The following MAP1B variants were observed in gnomAD, a reference collection of about 807,000 sequenced individuals.
MAP1B encodes microtubule associated protein 1B.
Under a neutral mutation model 176.1 loss-of-function variants are expected in MAP1B, and 12 were observed. The ratio of observed to expected loss-of-function variants is 0.07; its 90% CI spans 0.04 to 0.11. The LOEUF is 0.11. MAP1B is among the 10% of genes least tolerant of loss of function. The probability of loss-of-function intolerance (pLI) is 1.00; values close to 1 mark genes in which losing one functional copy is unlikely to be tolerated. For synonymous variants in MAP1B, 1,044 were observed against 1,135.0 expected (o/e 0.92, Z 1.61); for missense variants, 2,523 against 2,990.5 (o/e 0.84, Z 3.65).
intron 2 of MAP1B, among the ~76,000 whole-genome samples, chr5:72,134,431 C>A (rs747060963): frequency 6.6e-6 from 1 of 152,134 alleles, no homozygotes; most frequent in Non-Finnish European, 1.5e-5. Flanking sequence ...ACATTTGTCT[C>A]CAGCTTCTAG....
At chr5:72,116,372 G>C (rs1340599016) in intron 2 of MAP1B, 3 of 369,422 alleles carry the variant, frequency 8.1e-6, no homozygotes, top group South Asian at 2.1e-5. Context: ...CTTCGTGTGG[G>C]TAAAAGAATC....
Position 72,195,763 on chromosome 5 carries a change from C to T in MAP1B, c.2408C>T (p.Ala803Val), listed in dbSNP as rs1390336961. ...EAVAAAVGTG[A>V]TTAAVMAAAG... The stretch of plus-strand genomic sequence containing the variant: ...GTCGCTGCAGCTGTCGGCACTGGAG[C>T]CACCACAGCAGCTGTCATGGCGGCA... The change falls in exon 5 of 7, where the codon GCC becomes GTC. Residue 803 changes from alanine to valine, a missense_variant. Ala to Val is a moderately conservative substitution (Grantham distance 64). Around this residue, in one of 4 missense-constraint regions of MAP1B, gnomAD observed 1,925 missense variants for 2,126.0 expected, o/e 0.91. Coordinates refer to ENST00000296755, the MANE Select transcript of MAP1B (RefSeq NM_005909.5). 2.5e-6 allele frequency: 4 copies of T among 1,614,142 alleles called. No individual in the cohort carries two copies. The highest frequency in any genetic ancestry group is 4.5e-5 in the East Asian group (2 of 44,902).
intron 4 of MAP1B, among the ~76,000 whole-genome samples, chr5:72,188,756 G>A (rs779422745): frequency 4.6e-5 from 7 of 152,114 alleles, no homozygotes; most frequent in Admixed American, 2.0e-4. Flanking sequence ...TGAAGAACTC[G>A]AGTTCCGTGG....
chr5:72,158,555 G>C (rs1355577419), intron 2 of MAP1B, among the ~76,000 whole-genome samples: 1 of 152,196 alleles, frequency 6.6e-6, no homozygotes, highest in Non-Finnish European at 1.5e-5. Context: ...AATGGTGTTT[G>C]AATTATGTGA....
Position 72,190,474 on chromosome 5 carries a change from G to A in MAP1B, c.511-3392G>A, listed in dbSNP as rs145227302. On this transcript the variant is annotated intron_variant, in intron 4 of 6. Coordinates refer to ENST00000296755, the MANE Select transcript of MAP1B (RefSeq NM_005909.5). ...CTGTAGTTTACCCTGCTGGTTTATTGAACCTTACATTTATCCCTTTAGAAT... is the reference window on the plus strand; with the variant it reads ...CTGTAGTTTACCCTGCTGGTTTATTAAACCTTACATTTATCCCTTTAGAAT... Among the ~76,000 whole-genome samples, 11 of 152,210 alleles carry A rather than the reference G, an allele frequency of 7.2e-5. No homozygotes were observed. The East Asian group carries it at 2.1e-3, about 29-fold the overall frequency.
Position 72,151,406 on chromosome 5 carries a change from T to G in MAP1B, c.287-32337T>G, listed in dbSNP as rs112020567. On this transcript the variant is annotated intron_variant, in intron 2 of 6. Coordinates refer to ENST00000296755, the MANE Select transcript of MAP1B (RefSeq NM_005909.5). Reference sequence around the variant, plus strand: ...AGATTTGGCAAGAACAAACAAGTCATGTCCAAAGCATTGCAGTGGGGAAGT... The same window carrying G: ...AGATTTGGCAAGAACAAACAAGTCAGGTCCAAAGCATTGCAGTGGGGAAGT... Among the ~76,000 whole-genome samples the G allele has an allele frequency of 5.5e-4, 84 of 152,234 alleles. No homozygotes were observed. The East Asian group carries it at 0.014, about 25-fold the overall frequency.
chr5:72,196,626 C>T lies in MAP1B; in HGVS notation c.3271C>T (p.Pro1091Ser). 1 of 1,614,048 alleles carries T rather than the reference C, an allele frequency of 6.2e-7. No individual in the cohort carries two copies. The change falls in exon 5 of 7, where the codon CCT (proline) becomes TCT (serine). Residue 1091 changes from proline to serine, a missense_variant. By Grantham distance (74) the Pro-to-Ser change is moderately conservative. Transcript: ENST00000296755. This position sits in a 1 kb window ranked among gnomAD's most constrained non-coding sequence, Gnocchi z 5.3. ...PASSIHDETL[P>S]GGSESEATAS... ...ATCTTCAATTCATGATGAGACTTTA[C>T]CTGGAGGCTCAGAGAGCGAGGCCAC...
intron 2 of MAP1B, among the ~76,000 whole-genome samples, chr5:72,121,188 G>A (rs1275694883): frequency 1.3e-5 from 2 of 152,212 alleles, no homozygotes; most frequent in Non-Finnish European, 2.9e-5. Flanking sequence ...ACAGTTTGAG[G>A]GCTGGCCTGC....
chr5:72,207,962 C>CTTTT lies in MAP1B; in HGVS notation c.*2741_*2744dup, dbSNP rs564543921. ...CTCCTCACTTTCTCTCTCTCTCTCT[C>CTTTT]TTTTTTTTTTTTTTTTTTTTTGCTA... On this transcript the variant is annotated 3_prime_UTR_variant, in exon 7 of 7. Transcript: ENST00000296755. 2.9e-4 allele frequency: 34 copies of CTTTT among 115,986 alleles called. No homozygotes were observed. The highest frequency in any genetic ancestry group is 6.6e-4 in the East Asian group (2 of 3,010). 7.2% of individuals were successfully genotyped at this position (115,986 alleles called of 1,614,324 possible). A position where few individuals can be genotyped will look rare whatever the true frequency, so the allele number is the denominator to read the frequency against.
intron 2 of MAP1B, among the ~76,000 whole-genome samples, chr5:72,171,658 T>C (rs1746545388): frequency 6.6e-6 from 1 of 152,118 alleles, no homozygotes; most frequent in South Asian, 2.1e-4. Flanking sequence ...TGGGAGAAGT[T>C]GAGAACTAGG....
At chr5:72,177,954 C>T (rs1049279452) in intron 2 of MAP1B, among the ~76,000 whole-genome samples, 6 of 151,832 alleles carry the variant, frequency 4.0e-5, no homozygotes, top group Admixed American at 2.6e-4. Flanking sequence ...TCCTTCCCTC[C>T]TTCCTTCCTC....
chr5:72,148,734 C>A (rs1746090406), intron 2 of MAP1B, among the ~76,000 whole-genome samples: 2 of 152,250 alleles, frequency 1.3e-5, no homozygotes, highest in Non-Finnish European at 2.9e-5. Flanking sequence ...CAGGAGAAGA[C>A]TCCTTGCTCT....
At position 72,172,279 on chromosome 5, in the gene MAP1B, C is replaced by T. The variant is rs150133423; in HGVS notation, c.287-11464C>T. On this transcript the variant is annotated intron_variant, in intron 2 of 6. Transcript: ENST00000296755. ...TGGCCCAGCCTGATGCTGCCACTAC[C>T]AATGATATTGTCCCCCTCGCAGTTT... Among the ~76,000 whole-genome samples the T allele has an allele frequency of 5.0e-3, 754 of 152,322 alleles. 12 individuals are homozygous for T. The highest frequency in any genetic ancestry group is 0.017 in the African/African-American group (718 of 41,578).
rs749667435 is a variant in MAP1B at position 72,194,856 on chromosome 5, G to A, written c.1501G>A (p.Gly501Arg). 6.2e-7 allele frequency: 1 copy of A among 1,614,176 alleles called. No homozygotes were observed. Among genetic ancestry groups the A allele is most frequent in the Non-Finnish European group, 8.5e-7 (1 of 1,180,012 alleles). The change falls in exon 5 of 7, where the codon GGG becomes AGG. Residue 501 changes from glycine (G) to arginine (R), a missense_variant. By Grantham distance (125) the Gly-to-Arg change is moderately radical (BLOSUM62 -2). Around this residue, in one of 4 missense-constraint regions of MAP1B, gnomAD observed 1,925 missense variants for 2,126.0 expected, o/e 0.91. Transcript: ENST00000296755. The surrounding 1 kb of genome is among the most constrained non-coding windows in gnomAD (Gnocchi z 7.2). The part of the protein sequence containing the change: ...GNSTQYNILE[G>R]LEKLKHLDFL... The stretch of plus-strand genomic sequence containing the variant: ...CAGCACCCAGTACAACATCCTGGAA[G>A]GGTTGGAAAAGCTCAAACATCTAGA...
At chr5:72,159,925 G>T (rs1044005190) in intron 2 of MAP1B, among the ~76,000 whole-genome samples, 2 of 152,128 alleles carry the variant, frequency 1.3e-5, no homozygotes, top group South Asian at 4.1e-4. Flanking sequence ...GGTAAAGAGT[G>T]GGGGCTTCAT....
chr5:72,120,425 C>CTTTT (rs775411933), intron 2 of MAP1B, among the ~76,000 whole-genome samples: 8 of 134,396 alleles, frequency 6.0e-5, no homozygotes, highest in Non-Finnish European at 9.7e-5. Context: ...TAGTTTCTTT[C>CTTTT]TTTTTTTTTT....
At chr5:72,119,599 C>T (rs1745490704) in intron 2 of MAP1B, among the ~76,000 whole-genome samples, 1 of 152,200 alleles carries the variant, frequency 6.6e-6, no homozygotes, top group Non-Finnish European at 1.5e-5. Context: ...CCTCAACCTC[C>T]TGGGCTCAAA....
At chr5:72,191,631 C>T (rs1461353382) in intron 4 of MAP1B, among the ~76,000 whole-genome samples, 1 of 152,240 alleles carries the variant, frequency 6.6e-6, no homozygotes, top group Non-Finnish European at 1.5e-5. Context: ...CTCTGTCCAG[C>T]CCTGTCTCTG....
In MAP1B at chr5:72,195,494, TAAG is replaced by T. The variant is rs758456136; in HGVS notation, c.2143_2145del (p.Lys715del). 28 of 1,585,744 alleles carry T rather than the reference TAAG, an allele frequency of 1.8e-5. 1 individual carries two copies. The highest frequency in any genetic ancestry group is 1.5e-5 in the Non-Finnish European group (18 of 1,172,794). ...CGCCAAAGGAAGTCAAGAAGGAAGTTAAGAAGGAAGAGAAGAAGGAAGTGAAAA... is the reference window on the plus strand; with the variant it reads ...CGCCAAAGGAAGTCAAGAAGGAAGTTAAGGAAGAGAAGAAGGAAGTGAAAA... On this transcript the variant is annotated inframe_deletion, in exon 5 of 7. Transcript: ENST00000296755.
Sources: gnomAD v4.1 joint callset for allele counts (sites outside exome capture counted in the v4.1 genomes callset) on GRCh38, gnomAD v4.1.1 for gene constraint, gnomAD v4.1.1 regional missense constraint, Gnocchi (gnomAD v3.1) non-coding constraint, MANE v1.5 for transcripts, NCBI Gene and HGNC (gene_info 2026-07-23, HGNC 2026-07-21) for gene names.